ATP8A2: variants seen among roughly 807,000 people sequenced by gnomAD.
The protein encoded by ATP8A2 is phospholipid-transporting ATPase IB.
A neutral mutation model predicts 165.6 loss-of-function variants in ATP8A2; 100 were observed. The observed-to-expected ratio is 0.60, with a 90% CI of 0.51 to 0.71. The LOEUF is 0.71. Among genes scored for constraint, ATP8A2 ranks in the 30% least tolerant of loss-of-function variants. The pLI is 0.00. For missense variants in ATP8A2, 1,227 were observed against 1,479.5 expected, an observed-to-expected ratio of 0.83 and a Z score of 2.80; for synonymous variants, 543 against 548.8, an observed-to-expected ratio of 0.99 and a Z score of 0.15.
chr13:25,670,225 T>A (rs1345105885), intron 24 of ATP8A2, among the ~76,000 whole-genome samples: 1 of 152,214 alleles, frequency 6.6e-6, no homozygotes, highest in Non-Finnish European at 1.5e-5. Context: ...ACTCCACCAT[T>A]TTGTATGATG....
rs144674983 is a variant in ATP8A2 at position 25,554,673 on chromosome 13, G to A, written c.1186-318G>A. ...TCTTGGGTTCAAGCGATTCTCATGC[G>A]TCAGCCTCCCTGAGTAGCTGGGATT... On this transcript the variant is annotated intron_variant, in intron 12 of 36. Coordinates refer to ENST00000381655, the MANE Select transcript of ATP8A2 (RefSeq NM_016529.6). Among the ~76,000 whole-genome samples, 26 of 151,856 alleles carry A rather than the reference G, an allele frequency of 1.7e-4. 1 individual carries two copies. Among genetic ancestry groups the A allele is most frequent in the Middle Eastern group, 3.4e-3 (1 of 294 alleles).
chr13:25,830,010 ATT>A (rs1260599733), intron 28 of ATP8A2, among the ~76,000 whole-genome samples: 6 of 138,874 alleles, frequency 4.3e-5, no homozygotes, highest in Non-Finnish European at 9.4e-5. Flanking sequence ...AGTTTTTGCA[ATT>A]TTTTTTTTTT....
At chr13:26,006,215 T>G (rs1048593328) in intron 35 of ATP8A2, among the ~76,000 whole-genome samples, 1 of 152,072 alleles carries the variant, frequency 6.6e-6, no homozygotes, top group Non-Finnish European at 1.5e-5. Context: ...AGTTTTTTTA[T>G]GTATGAGTGT....
intron 24 of ATP8A2, among the ~76,000 whole-genome samples, chr13:25,638,352 A>T (rs577113985): frequency 2.0e-5 from 3 of 152,278 alleles, no homozygotes; most frequent in Admixed American, 2.0e-4. Flanking sequence ...GAAGCTAAAA[A>T]CCTTGAAAAA....
chr13:25,860,989 GTGGTT>G, intron 32 of ATP8A2, 129 bp downstream of exon 32: 1 of 725,688 alleles, frequency 1.4e-6, no homozygotes, highest in Non-Finnish European at 2.3e-6. Flanking sequence ...TGTAAAAATT[GTGGTT>G]TGATCTTGAT....
At chr13:25,618,968 G>A (rs1429454530) in intron 24 of ATP8A2, among the ~76,000 whole-genome samples, 3 of 152,288 alleles carry the variant, frequency 2.0e-5, no homozygotes, top group Admixed American at 6.5e-5. Context: ...TTTTCCAGTC[G>A]TGGTAGGCTA....
intron 35 of ATP8A2, among the ~76,000 whole-genome samples, chr13:25,996,019 G>T (rs566942086): frequency 6.6e-5 from 10 of 152,078 alleles, no homozygotes; most frequent in Non-Finnish European, 1.2e-4. Flanking sequence ...TTTTGTCATT[G>T]CATAATGTCC....
intron 24 of ATP8A2, among the ~76,000 whole-genome samples, chr13:25,596,238 G>T (rs2040233254): frequency 6.6e-6 from 1 of 152,168 alleles, no homozygotes; most frequent in Admixed American, 6.5e-5. Flanking sequence ...ATCTGCCACA[G>T]ACTTGGCTTT....
chr13:25,838,809 C>T (rs1474340167), intron 29 of ATP8A2, among the ~76,000 whole-genome samples: 1 of 152,054 alleles, frequency 6.6e-6, no homozygotes, highest in African/African-American at 2.4e-5. Context: ...CTCTGGTCTA[C>T]AGCTCCCAGC....
intron 1 of ATP8A2, among the ~76,000 whole-genome samples, chr13:25,435,456 G>A (rs915619979): frequency 2.6e-5 from 4 of 152,078 alleles, no homozygotes; most frequent in African/African-American, 4.8e-5. Flanking sequence ...AATGATGTGG[G>A]CTATATTTGC....
intron 2 of ATP8A2, among the ~76,000 whole-genome samples, chr13:25,508,213 T>A (rs1160002844): frequency 6.6e-6 from 1 of 152,194 alleles, no homozygotes; most frequent in Non-Finnish European, 1.5e-5. Flanking sequence ...TTTATGCTCC[T>A]CTAGGAACAG....
chr13:25,891,206 T>G (rs1270640630), intron 33 of ATP8A2, among the ~76,000 whole-genome samples: 1 of 152,218 alleles, frequency 6.6e-6, no homozygotes, highest in East Asian at 1.9e-4. Context: ...TTTTCTTCAA[T>G]GTGTATTTGA....
At position 25,506,940 on chromosome 13, in the gene ATP8A2, CATATAT is replaced by C. The variant is rs59774160; in HGVS notation, c.222-23042_222-23037del. On this transcript the variant is annotated intron_variant, in intron 2 of 36. Transcript: ENST00000381655. ...GTGTGTGTATATATACAGTACAGTACATATATATATATATATATATATCTTATTTTA... is the reference window on the plus strand; with the variant it reads ...GTGTGTGTATATATACAGTACAGTACATATATATATATATATCTTATTTTA... 4.2e-3 allele frequency among the ~76,000 whole-genome samples: 543 copies of C among 128,710 alleles called. 8 individuals are homozygous for C. Among genetic ancestry groups the C allele is most frequent in the Non-Finnish European group, 5.3e-3 (321 of 60,428 alleles). 84.4% of individuals were successfully genotyped at this position (128,710 alleles called of 152,430 possible).
At chr13:25,382,362 T>C (rs942626627) in intron 1 of ATP8A2, among the ~76,000 whole-genome samples, 1 of 152,258 alleles carries the variant, frequency 6.6e-6, no homozygotes, top group Non-Finnish European at 1.5e-5. Context: ...GCTTTCACTT[T>C]TTTGAAATTA....
intron 1 of ATP8A2, among the ~76,000 whole-genome samples, chr13:25,446,417 A>T (rs1430644071): frequency 6.6e-6 from 1 of 152,184 alleles, no homozygotes; most frequent in Non-Finnish European, 1.5e-5. Flanking sequence ...CCTCACCCTC[A>T]AATGAGAAGA....
At chr13:25,964,026 C>T (rs547749858) in intron 34 of ATP8A2, among the ~76,000 whole-genome samples, 5 of 152,314 alleles carry the variant, frequency 3.3e-5, no homozygotes, top group South Asian at 4.1e-4. Flanking sequence ...TGGAGGTGCC[C>T]GCAGGGCAAG....
intron 25 of ATP8A2, among the ~76,000 whole-genome samples, chr13:25,728,542 A>T (rs2043544341): frequency 6.6e-6 from 1 of 152,190 alleles, no homozygotes; most frequent in Non-Finnish European, 1.5e-5. Flanking sequence ...GGGATATTTG[A>T]TCCATGTGAT....
At chr13:26,018,961 A>T (rs11617111) in intron 36 of ATP8A2, among the ~76,000 whole-genome samples, 1 of 152,222 alleles carries the variant, frequency 6.6e-6, no homozygotes, top group African/African-American at 2.4e-5. Flanking sequence ...TAGTATATGA[A>T]CTGATTGTGT....
chr13:25,780,330 A>C (rs1471717097), intron 27 of ATP8A2, among the ~76,000 whole-genome samples: 1 of 152,202 alleles, frequency 6.6e-6, no homozygotes, highest in African/African-American at 2.4e-5. Flanking sequence ...TGGATATTAT[A>C]TACAGCTTGG....
Sources: gnomAD v4.1 joint callset for allele counts (sites outside exome capture counted in the v4.1 genomes callset) on GRCh38, gnomAD v4.1.1 for gene constraint, MANE v1.5 for transcripts, NCBI Gene and HGNC (gene_info 2026-07-23, HGNC 2026-07-21) for gene names.